LAMTOR2: variants seen among roughly 807,000 people sequenced by gnomAD.
The protein encoded by LAMTOR2 is late endosomal/lysosomal adaptor, MAPK and MTOR activator 2, also known as ragulator complex protein LAMTOR2.
In LAMTOR2, 4 loss-of-function variants were observed where a neutral mutation model predicts 15.8. The observed-to-expected ratio is 0.25, with a 90% CI of 0.12 to 0.58. The LOEUF is 0.58. LAMTOR2 is among the 20% of genes least tolerant of loss of function. LAMTOR2 has a pLI of 0.91. For synonymous variants in LAMTOR2, 62 were observed against 64.1 expected (o/e 0.97, Z 0.15); for missense variants, 100 against 161.0 (o/e 0.62, Z 2.05).
chr1:156,058,090 A>G, intron 3 of LAMTOR2, 23 bp downstream of exon 3: 1 of 1,609,134 alleles, frequency 6.2e-7, no homozygotes, highest in Non-Finnish European at 8.5e-7. Flanking sequence ...CCATCCCTCC[A>G]TAGCCCTGGG....
In LAMTOR2 at chr1:156,055,155, T is replaced by C. The variant is rs1647295982; in HGVS notation, c.69-108T>C. 6.6e-7 allele frequency: 1 copy of C among 1,512,966 alleles called. No individual in the cohort carries two copies. The highest frequency in any genetic ancestry group is 1.4e-5 in the African/African-American group (1 of 72,922). The allele number at this position is 1,512,966 out of a possible 1,614,324, so 93.7% of individuals were successfully genotyped here. On this transcript the variant is annotated intron_variant, in intron 1 of 3. Coordinates refer to ENST00000368305, the MANE Select transcript of LAMTOR2 (RefSeq NM_014017.4). This position sits in a 1 kb window ranked among gnomAD's most constrained non-coding sequence, Gnocchi z 4.8. ...GCTTAGGGCATGTTCCGGGACACGCTCAGGCCAGAGCCTTGCTGGATGTGC... is the reference window on the plus strand; with the variant it reads ...GCTTAGGGCATGTTCCGGGACACGCCCAGGCCAGAGCCTTGCTGGATGTGC...
At chr1:156,056,417 C>G (rs1647367338) in intron 2 of LAMTOR2, among the ~76,000 whole-genome samples, 1 of 152,174 alleles carries the variant, frequency 6.6e-6, no homozygotes, top group African/African-American at 2.4e-5. Context: ...CAGGGACAGT[C>G]TCACTGAAAA....
At chr1:156,057,287 G>C (rs923123368) in intron 2 of LAMTOR2, among the ~76,000 whole-genome samples, 2 of 151,858 alleles carry the variant, frequency 1.3e-5, no homozygotes, top group Non-Finnish European at 2.9e-5. Flanking sequence ...GAGGCCAGGA[G>C]TTCAAGACCA....
intron 2 of LAMTOR2, among the ~76,000 whole-genome samples, chr1:156,056,175 T>A (rs1363740284): frequency 6.6e-6 from 1 of 152,160 alleles, no homozygotes; most frequent in Non-Finnish European, 1.5e-5. Flanking sequence ...CGCTAATTTT[T>A]GCATTTTTCC....
chr1:156,054,848 C>G lies in LAMTOR2; in HGVS notation c.-42C>G, dbSNP rs1229464025. On this transcript the variant is annotated 5_prime_UTR_variant, in exon 1 of 4. Coordinates refer to ENST00000368305, the MANE Select transcript of LAMTOR2 (RefSeq NM_014017.4). ...GGGCAGCGGCCCGCGGGAGGCACCT[C>G]GGAGATCTGGGTGCAAAAGCCCAGG... 1.3e-6 allele frequency: 2 copies of G among 1,599,574 alleles called. No individual in the cohort carries two copies. Among genetic ancestry groups the G allele is most frequent in the African/African-American group, 2.7e-5 (2 of 74,634 alleles).
rs1647351049 is a variant in LAMTOR2 at position 156,055,885 on chromosome 1, T to C, written c.231+460T>C. On this transcript the variant is annotated intron_variant, in intron 2 of 3. Coordinates refer to ENST00000368305, the MANE Select transcript of LAMTOR2 (RefSeq NM_014017.4). This position sits in a 1 kb window ranked among gnomAD's most constrained non-coding sequence, Gnocchi z 4.8. ...AGTCTCCAGACCCTAGTCCAACCCC[T>C]TAAGCTTTCAAAGAAAGGAAAATGA... The C allele has an allele frequency of 5.3e-6, 1 of 189,148 alleles. No individual in the cohort carries two copies. Among genetic ancestry groups the C allele is most frequent in the Admixed American group, 5.3e-5 (1 of 18,850 alleles). 11.7% of individuals were successfully genotyped at this position (189,148 alleles called of 1,614,324 possible).
Position 156,055,704 on chromosome 1 carries a change from T to C in LAMTOR2, c.231+279T>C. On this transcript the variant is annotated intron_variant, in intron 2 of 3. Transcript: ENST00000368305. This position sits in a 1 kb window ranked among gnomAD's most constrained non-coding sequence, Gnocchi z 4.8. ...AGTCGCTTAACCTCTCTCAGCTTCC[T>C]TACCTCATGTTTAAGGAGAAGACAA... 1 of 481,794 alleles carries C rather than the reference T, an allele frequency of 2.1e-6. No homozygotes were observed. The highest frequency in any genetic ancestry group is 3.8e-6 in the Non-Finnish European group (1 of 262,698). The allele number at this position is 481,794 out of a possible 1,614,324, so 29.8% of individuals were successfully genotyped here. A position where few individuals can be genotyped will look rare whatever the true frequency, so the allele number is the denominator to read the frequency against.
chr1:156,055,067 G>C lies in LAMTOR2; in HGVS notation c.68+110G>C. The stretch of plus-strand genomic sequence containing the variant: ...CAGGAAGGGAGGAAGCGGCAGAGGG[G>C]GCAGCGGCTGGGGATACCGGCCGGG... On this transcript the variant is annotated intron_variant, in intron 1 of 3. Coordinates refer to ENST00000368305, the MANE Select transcript of LAMTOR2 (RefSeq NM_014017.4). The surrounding 1 kb of genome is among the most constrained non-coding windows in gnomAD (Gnocchi z 4.8). 7.1e-7 allele frequency: 1 copy of C among 1,400,994 alleles called. No homozygotes were observed. The highest frequency in any genetic ancestry group is 1.2e-5 in the South Asian group (1 of 85,550). 86.8% of individuals were successfully genotyped at this position (1,400,994 alleles called of 1,614,324 possible).
At chr1:156,056,300 C>A (rs1357664876) in intron 2 of LAMTOR2, among the ~76,000 whole-genome samples, 1 of 152,194 alleles carries the variant, frequency 6.6e-6, no homozygotes, top group Admixed American at 6.5e-5. Flanking sequence ...CTGTGCCTGG[C>A]CACATTTTTT....
intron 2 of LAMTOR2, among the ~76,000 whole-genome samples, chr1:156,056,662 T>A (rs2102764751): frequency 6.6e-6 from 1 of 152,194 alleles, no homozygotes; most frequent in African/African-American, 2.4e-5. Flanking sequence ...ATACAATAAA[T>A]ACCTAGTAAA....
chr1:156,055,259 C>G lies in LAMTOR2; in HGVS notation c.69-4C>G, dbSNP rs911365094. ...CATCGCTATCCCTCCCCGCCCCTCACCAGGCTGCTGAATAACGAGGGATCA... is the reference window on the plus strand; with the variant it reads ...CATCGCTATCCCTCCCCGCCCCTCAGCAGGCTGCTGAATAACGAGGGATCA... On this transcript the variant is annotated splice_region_variant and splice_polypyrimidine_tract_variant and intron_variant, in intron 1 of 3. Coordinates refer to ENST00000368305, the MANE Select transcript of LAMTOR2 (RefSeq NM_014017.4). The surrounding 1 kb of genome is among the most constrained non-coding windows in gnomAD (Gnocchi z 4.8). 1.2e-5 allele frequency: 19 copies of G among 1,613,764 alleles called. No individual in the cohort carries two copies. The highest frequency in any genetic ancestry group is 1.6e-5 in the Non-Finnish European group (19 of 1,180,028).
rs983098273 is a variant in LAMTOR2, at chr1:156,054,836, C to T, written c.-54C>T. The T allele has an allele frequency of 2.0e-5, 32 of 1,575,428 alleles. No individual in the cohort carries two copies. Among genetic ancestry groups the T allele is most frequent in the Non-Finnish European group, 2.8e-5 (32 of 1,149,576 alleles). On this transcript the variant is annotated 5_prime_UTR_variant, in exon 1 of 4. Coordinates refer to ENST00000368305, the MANE Select transcript of LAMTOR2 (RefSeq NM_014017.4). ...ACGGGAAGCAGCGGGCAGCGGCCCGCGGGAGGCACCTCGGAGATCTGGGTG... is the reference window on the plus strand; with the variant it reads ...ACGGGAAGCAGCGGGCAGCGGCCCGTGGGAGGCACCTCGGAGATCTGGGTG...
In LAMTOR2 at chr1:156,054,790, C is replaced by A; in HGVS notation, c.-100C>A. 1 of 1,229,176 alleles carries A rather than the reference C, an allele frequency of 8.1e-7. No individual in the cohort carries two copies. Among genetic ancestry groups the A allele is most frequent in the Non-Finnish European group, 1.2e-6 (1 of 848,394 alleles). The allele number at this position is 1,229,176 out of a possible 1,614,324, so 76.1% of individuals were successfully genotyped here. On this transcript the variant is annotated 5_prime_UTR_variant, in exon 1 of 4. Transcript: ENST00000368305. ...AAGAAACTACAACTCCCAGGGCGTC[C>A]CGGAGCAGGCCAACGGGACTACGGG...
chr1:156,055,257 C>A lies in LAMTOR2; in HGVS notation c.69-6C>A, dbSNP rs1393446673. 1 of 1,613,844 alleles carries A rather than the reference C, an allele frequency of 6.2e-7. No individual in the cohort carries two copies. The highest frequency in any genetic ancestry group is 1.7e-5 in the Admixed American group (1 of 60,030). On this transcript the variant is annotated splice_region_variant and splice_polypyrimidine_tract_variant and intron_variant, in intron 1 of 3. Coordinates refer to ENST00000368305, the MANE Select transcript of LAMTOR2 (RefSeq NM_014017.4). The surrounding 1 kb of genome is among the most constrained non-coding windows in gnomAD (Gnocchi z 4.8). ...CACATCGCTATCCCTCCCCGCCCCT[C>A]ACCAGGCTGCTGAATAACGAGGGAT...
rs984790279 is a variant in LAMTOR2, at chr1:156,056,600, G to T, written c.231+1175G>T. Among the ~76,000 whole-genome samples the T allele has an allele frequency of 2.6e-5, 4 of 152,174 alleles. No homozygotes were observed. In the East Asian group the frequency reaches 7.7e-4, roughly 29 times the overall value. ...CTGGAGTTACGTGAGATGGAGGAGG[G>T]TAGTAGGAGATGAGGTCAGAGAGGC... is the stretch of plus-strand genomic sequence containing the variant. On this transcript the variant is annotated intron_variant, in intron 2 of 3. Transcript: ENST00000368305.
chr1:156,057,376 AAGAC>A (rs1247918242), intron 2 of LAMTOR2, among the ~76,000 whole-genome samples: 1 of 152,126 alleles, frequency 6.6e-6, no homozygotes, highest in Non-Finnish European at 1.5e-5. Flanking sequence ...TTTTTTAAGA[AAGAC>A]ATTTTAAGTC....
Position 156,055,501 on chromosome 1 carries a change from TGG to T in LAMTOR2, c.231+77_231+78del. On this transcript the variant is annotated intron_variant, in intron 2 of 3. Transcript: ENST00000368305. This position sits in a 1 kb window ranked among gnomAD's most constrained non-coding sequence, Gnocchi z 4.8. ...GGGGCGACCTGGACCCCATCCTGGA[TGG>T]TTGGAGGGGCAGGGACAGGATCTCC... 6.4e-7 allele frequency: 1 copy of T among 1,553,566 alleles called. No individual in the cohort carries two copies. Among genetic ancestry groups the T allele is most frequent in the Non-Finnish European group, 8.9e-7 (1 of 1,127,258 alleles).
rs1647442114 is a variant in LAMTOR2 at position 156,058,374 on chromosome 1, G to T, written c.*3G>T. On this transcript the variant is annotated 3_prime_UTR_variant, in exon 4 of 4. Coordinates refer to ENST00000368305, the MANE Select transcript of LAMTOR2 (RefSeq NM_014017.4). ...TCACCCAAGTGGCGGCATCTTAACG[G>T]CATTGGTGGAAGCTGGGGTCAGAAA... The T allele has an allele frequency of 2.5e-6, 4 of 1,613,984 alleles. No homozygotes were observed. The highest frequency in any genetic ancestry group is 3.3e-5 in the Admixed American group (2 of 59,992).
At position 156,054,800 on chromosome 1, in the gene LAMTOR2, C is replaced by A; in HGVS notation, c.-90C>A. The stretch of plus-strand genomic sequence containing the variant: ...AACTCCCAGGGCGTCCCGGAGCAGG[C>A]CAACGGGACTACGGGAAGCAGCGGG... On this transcript the variant is annotated 5_prime_UTR_variant, in exon 1 of 4. Transcript: ENST00000368305. 2 of 1,328,322 alleles carry A rather than the reference C, an allele frequency of 1.5e-6. No homozygotes were observed. The highest frequency in any genetic ancestry group is 2.1e-6 in the Non-Finnish European group (2 of 934,858). The allele number at this position is 1,328,322 out of a possible 1,614,324, so 82.3% of individuals were successfully genotyped here.
Sources: gnomAD v4.1 joint callset for allele counts (sites outside exome capture counted in the v4.1 genomes callset) on GRCh38, gnomAD v4.1.1 for gene constraint, Gnocchi (gnomAD v3.1) non-coding constraint, MANE v1.5 for transcripts, NCBI Gene and HGNC (gene_info 2026-07-23, HGNC 2026-07-21) for gene names.